TUBGCP3: variants seen among roughly 807,000 people sequenced by gnomAD.
TUBGCP3 encodes the protein tubulin gamma complex component 3, also known as gamma-tubulin complex component 3.
In TUBGCP3, 50 loss-of-function variants were observed where a neutral mutation model predicts 123.1. That is an observed-to-expected ratio of 0.41 (90% CI 0.32 to 0.51). The LOEUF is 0.51. Among genes scored for constraint, TUBGCP3 ranks in the 20% least tolerant of loss-of-function variants. The pLI is 0.36. For synonymous variants in TUBGCP3, 405 were observed against 413.9 expected (o/e 0.98, Z 0.26); for missense variants, 882 against 1,127.0 (o/e 0.78, Z 3.11).
chr13:112,588,737 TTAAAGCTTACACATGGG>T (rs1052603161), upstream of TUBGCP3, among the ~76,000 whole-genome samples: 1 of 152,098 alleles, frequency 6.6e-6, no homozygotes, highest in Non-Finnish European at 1.5e-5. Flanking sequence ...AGTGCAATCG[TTAAAGCTTACACATGGG>T]TGCACGCTTG....
At chr13:112,510,555 G>C (rs571593280) in intron 17 of TUBGCP3, among the ~76,000 whole-genome samples, 2 of 152,016 alleles carry the variant, frequency 1.3e-5, no homozygotes, top group African/African-American at 4.8e-5. Context: ...TTACATCATC[G>C]GCATTCCTGC....
chr13:112,544,272 T>G lies in TUBGCP3; in HGVS notation c.1335+1427A>C, dbSNP rs549552357. 5.3e-5 allele frequency among the ~76,000 whole-genome samples: 8 copies of G among 151,952 alleles called. No individual in the cohort carries two copies. The South Asian group carries it at 1.5e-3, about 28-fold the overall frequency. The stretch of plus-strand genomic sequence containing the variant: ...ATCGAGACCATCCTGGCTAACACAG[T>G]GAAACCCCGTCTCTACTAAAAATAC... On this transcript the variant is annotated intron_variant, in intron 11 of 21. Transcript: ENST00000261965.
chr13:112,554,968 G>A lies in TUBGCP3; in HGVS notation c.759C>T (p.Asp253=), dbSNP rs1265814533. The change falls in exon 7 of 22, where the codon GAC becomes GAT. Residue 253 remains aspartate, a synonymous_variant. Transcript: ENST00000261965. The part of the protein sequence containing the change: ...MEITEAALVR[D]ILYVFQGIDG... ...CTATGCCCTGAAAGACGTACAAAAT[G>A]TCCCTTACCAGAGCTGCTTCTGTAA... 1.9e-6 allele frequency: 3 copies of A among 1,611,904 alleles called. No individual in the cohort carries two copies. The highest frequency in any genetic ancestry group is 1.7e-4 in the Middle Eastern group (1 of 6,056).
At chr13:112,587,159 A>C (rs573713937) in intron 1 of TUBGCP3, 6 of 152,270 alleles carry the variant, frequency 3.9e-5, no homozygotes, top group African/African-American at 1.4e-4. Flanking sequence ...CCTGGCCAAA[A>C]CAAGGAGCAA....
intron 13 of TUBGCP3, among the ~76,000 whole-genome samples, chr13:112,525,248 T>G (rs1034754792): frequency 1.3e-5 from 2 of 152,246 alleles, no homozygotes; most frequent in Non-Finnish European, 2.9e-5. Context: ...TCCTTTGTCC[T>G]GGGCTGCGCA....
At chr13:112,587,572 G>C (rs998198719) in intron 1 of TUBGCP3, among the ~76,000 whole-genome samples, 3 of 152,214 alleles carry the variant, frequency 2.0e-5, no homozygotes, top group African/African-American at 4.8e-5. Flanking sequence ...CCTCACTGAC[G>C]GACCCGCGAG....
chr13:112,600,604 C>T, the TUBGCP3 span, among the ~76,000 whole-genome samples: 1 of 152,068 alleles, frequency 6.6e-6, no homozygotes, highest in East Asian at 1.9e-4. Flanking sequence ...TGTTATCTTG[C>T]TTTATGAGCA....
intron 16 of TUBGCP3, among the ~76,000 whole-genome samples, chr13:112,517,621 G>A (rs966557788): frequency 1.3e-5 from 2 of 152,198 alleles, no homozygotes; most frequent in African/African-American, 2.4e-5. Flanking sequence ...GGCCGGGCAC[G>A]GTGGCTCATG....
upstream of TUBGCP3, chr13:112,588,171 C>T: frequency 2.3e-6 from 1 of 443,534 alleles, no homozygotes; most frequent in Non-Finnish European, 3.9e-6. Context: ...TCCCACAATG[C>T]CCCGCTTCTT....
At chr13:112,557,623 G>T (rs1191478438) in intron 5 of TUBGCP3, among the ~76,000 whole-genome samples, 2 of 152,184 alleles carry the variant, frequency 1.3e-5, no homozygotes, top group African/African-American at 4.8e-5. Context: ...AATGACAATG[G>T]CGCCTGCTTG....
Position 112,556,158 on chromosome 13 carries a change from C to A in TUBGCP3, c.615G>T (p.Trp205Cys). Residue 205 changes from tryptophan (W) to cysteine (C), a missense_variant, in exon 6 of 22, where the codon TGG (tryptophan) becomes TGT (cysteine). Trp to Cys is a radical substitution (Grantham distance 215). Coordinates refer to ENST00000261965, the MANE Select transcript of TUBGCP3 (RefSeq NM_006322.6). ...LRQQLGSRLA[W>C]TLTANQPSSQ... ...AAGAAGGCTGATTTGCAGTTAAAGT[C>A]CATGCGAGTCGTGACCCCAACTGCT... 1 of 1,614,108 alleles carries A rather than the reference C, an allele frequency of 6.2e-7. No homozygotes were observed. The highest frequency in any genetic ancestry group is 8.5e-7 in the Non-Finnish European group (1 of 1,180,012).
chr13:112,598,695 A>G, the TUBGCP3 span, among the ~76,000 whole-genome samples: 1 of 152,190 alleles, frequency 6.6e-6, no homozygotes, highest in Admixed American at 6.5e-5. Flanking sequence ...CTGTAATCCG[A>G]GCACTTTGGG....
the TUBGCP3 span, chr13:112,604,194 A>G: frequency 1.3e-5 from 2 of 152,182 alleles, no homozygotes; most frequent in Admixed American, 6.5e-5. Flanking sequence ...AGAGTCTTGT[A>G]TTATGGCTTT....
chr13:112,559,658 T>C (rs1880335330), intron 3 of TUBGCP3, among the ~76,000 whole-genome samples: 1 of 152,242 alleles, frequency 6.6e-6, no homozygotes, highest in Middle Eastern at 3.2e-3. Context: ...AAAAGTTTTT[T>C]TAAGTTACCC....
At chr13:112,600,568 G>T in the TUBGCP3 span, among the ~76,000 whole-genome samples, 1 of 152,262 alleles carries the variant, frequency 6.6e-6, no homozygotes, top group Admixed American at 6.5e-5. Context: ...TAGAAGTCAA[G>T]AAGTCTTTTA....
intron 6 of TUBGCP3, among the ~76,000 whole-genome samples, chr13:112,555,421 T>C (rs916842975): frequency 3.9e-5 from 6 of 152,188 alleles, no homozygotes; most frequent in Non-Finnish European, 7.3e-5. Flanking sequence ...CATTTCGTAA[T>C]CAGCAGATTA....
intron 20 of TUBGCP3, among the ~76,000 whole-genome samples, chr13:112,494,158 C>T (rs948895572): frequency 2.7e-5 from 4 of 150,628 alleles, no homozygotes; most frequent in Non-Finnish European, 1.5e-5. Context: ...GGTATGGGAA[C>T]GGGGCCTGGT....
chr13:112,570,894 G>A (rs1881340140), intron 1 of TUBGCP3, among the ~76,000 whole-genome samples: 1 of 151,960 alleles, frequency 6.6e-6, no homozygotes, highest in Non-Finnish European at 1.5e-5. Flanking sequence ...ACTTCAGCAG[G>A]AGTAGATTCC....
intron 6 of TUBGCP3, among the ~76,000 whole-genome samples, 169 bp downstream of exon 6, chr13:112,555,883 A>G (rs1395110483): frequency 6.6e-6 from 1 of 152,168 alleles, no homozygotes; most frequent in Non-Finnish European, 1.5e-5. Flanking sequence ...GTGAAAAGCC[A>G]AACTCCCCAA....
Sources: gnomAD v4.1 joint callset for allele counts (sites outside exome capture counted in the v4.1 genomes callset) on GRCh38, gnomAD v4.1.1 for gene constraint, MANE v1.5 for transcripts, NCBI Gene and HGNC (gene_info 2026-07-23, HGNC 2026-07-21) for gene names.